Variants in NBPF14 observed in about 807,000 individuals in gnomAD.
NBPF14 encodes NBPF family member NBPF14.
NBPF14 carries 104 observed loss-of-function variants against 91.2 expected under a neutral mutation model. The observed-to-expected ratio is 1.14, with a 90% CI of 0.97 to 1.34. The LOEUF (loss-of-function observed/expected upper bound fraction) is 1.34. Among genes scored for constraint, NBPF14 ranks in the 40% most tolerant of loss-of-function variants. NBPF14 has a pLI of 0.00. For missense variants in NBPF14, 908 were observed against 783.0 expected (o/e 1.16, Z -1.91); for synonymous variants, 294 against 303.8 (o/e 0.97, Z 0.34).
chr1:148,574,422 G>GAC (rs1207360751), intron 18 of NBPF14, among the ~76,000 whole-genome samples, 197 bp from the exon 19 acceptor site: 901 of 35,708 alleles, frequency 0.025, 12 homozygotes, highest in Non-Finnish European at 0.035. Flanking sequence ...AAGACAGATA[G>GAC]ACACACACAC....
At position 148,572,610 on chromosome 1, in the gene NBPF14, C is replaced by G. The variant is rs1490174548; in HGVS notation, c.2591G>C (p.Ser864Thr). 4 of 568,588 alleles carry G rather than the reference C, an allele frequency of 7.0e-6. 1 individual carries two copies. Among genetic ancestry groups the G allele is most frequent in the Non-Finnish European group, 1.2e-5 (4 of 329,328 alleles). The allele number at this position is 568,588 out of a possible 1,614,324, so 35.2% of individuals were successfully genotyped here. The change falls in exon 21 of 71, where the codon AGC becomes ACC. Residue 864 changes from serine to threonine, a missense_variant. Ser to Thr is a moderately conservative substitution (Grantham distance 58, BLOSUM62 1). Around this residue, in one of 13 missense-constraint regions of NBPF14, gnomAD observed 447 missense variants for 189.1 expected, o/e 2.36. Transcript: ENST00000619423. ...CTCTTTCTCATCCAGCAGCTCCCTG[C>G]TGAGCCTGGAAAAGTGGGAAAAAGT...
chr1:148,566,381 G>C lies in NBPF14; in HGVS notation c.3543-66C>G, dbSNP rs1289959402. The C allele has an allele frequency of 1.1e-5, 8 of 733,508 alleles. 1 individual carries two copies. The highest frequency in any genetic ancestry group is 3.7e-5 in the African/African-American group (2 of 54,564). The allele number at this position is 733,508 out of a possible 1,614,324, so 45.4% of individuals were successfully genotyped here. A position where few individuals can be genotyped will look rare whatever the true frequency, so the allele number is the denominator to read the frequency against. ...TCAGACACAACAGAGCCTCAACTAG[G>C]TTTCATGGGTAGCATAGGGAAGTGG... On this transcript the variant is annotated intron_variant, in intron 28 of 70. Coordinates refer to ENST00000619423, the Ensembl canonical transcript of NBPF14.
At chr1:148,557,087 CAG>C (rs1189799829) in intron 40 of NBPF14, among the ~76,000 whole-genome samples, 5 of 107,180 alleles carry the variant, frequency 4.7e-5, no homozygotes, top group Non-Finnish European at 5.2e-5. Context: ...CACACACACA[CAG>C]AGAGAGAGAG....
exon 69 of NBPF14, chr1:148,534,713 T>C (rs1188688978): frequency 6.2e-5 from 52 of 840,864 alleles, no homozygotes; most frequent in Admixed American, 5.2e-4. Flanking sequence ...GCCAAGGTAC[T>C]GTTCCTCCAA....
At chr1:148,535,061 A>T (rs1338133028) in intron 68 of NBPF14, among the ~76,000 whole-genome samples, 2 of 146,810 alleles carry the variant, frequency 1.4e-5, no homozygotes, top group African/African-American at 5.2e-5. Flanking sequence ...AGAGGGAGAG[A>T]GAGAGAGAGG....
At chr1:148,557,779 A>C (rs1215686557) in intron 39 of NBPF14, among the ~76,000 whole-genome samples, 1 of 118,796 alleles carries the variant, frequency 8.4e-6, no homozygotes, top group Non-Finnish European at 1.6e-5. Context: ...CATTTATCCC[A>C]AGTTTGTGCA....
intron 40 of NBPF14, among the ~76,000 whole-genome samples, chr1:148,557,285 AC>A (rs1656803506): frequency 9.4e-6 from 1 of 105,906 alleles, no homozygotes; most frequent in Non-Finnish European, 1.7e-5. Context: ...AGTCTGGTCC[AC>A]CTACAGTAGG....
intron 69 of NBPF14, among the ~76,000 whole-genome samples, chr1:148,534,184 G>C (rs1199431832): frequency 1.3e-5 from 2 of 149,862 alleles, no homozygotes; most frequent in East Asian, 1.9e-4. Context: ...TATTCTAGTA[G>C]ATCGTTATCC....
chr1:148,533,952 T>C, exon 70 of NBPF14: 1 of 722,820 alleles, frequency 1.4e-6, no homozygotes, highest in South Asian at 1.4e-5. Context: ...TTTTTCCCCT[T>C]CCCCTTCTTT....
chr1:148,566,200 C>T, exon 29 of NBPF14: 1 of 569,846 alleles, frequency 1.8e-6, no homozygotes, highest in Non-Finnish European at 3.1e-6. Context: ...AAGGAACTTC[C>T]ATAGGGCTGG....
intron 69 of NBPF14, 124 bp downstream of exon 69, chr1:148,534,560 C>A (rs1475964045): frequency 1.1e-5 from 8 of 739,108 alleles, no homozygotes; most frequent in East Asian, 2.5e-5. Flanking sequence ...AACCTATATG[C>A]GCCCATAGGT....
At chr1:148,595,462 G>C in intron 2 of NBPF14, 81 bp downstream of exon 2, 1 of 1,241,444 alleles carries the variant, frequency 8.1e-7, no homozygotes, top group East Asian at 2.3e-5. Context: ...AATTATTTTT[G>C]ATGGAGAGAG....
intron 68 of NBPF14, 123 bp from the exon 69 acceptor site, chr1:148,534,979 G>A: frequency 1.4e-6 from 1 of 731,646 alleles, no homozygotes. Context: ...CCATTAATGA[G>A]GTAACGAATT....
intron 12 of NBPF14, among the ~76,000 whole-genome samples, chr1:148,581,656 A>C (rs1190857552): frequency 6.7e-6 from 1 of 148,396 alleles, no homozygotes; most frequent in Non-Finnish European, 1.5e-5. Flanking sequence ...CCTGCCTTAC[A>C]AGAGCTCCTA....
rs1188807736 is a variant in NBPF14, at chr1:148,576,051, G to T, written c.2079-240C>A. 2.1e-4 allele frequency among the ~76,000 whole-genome samples: 31 copies of T among 146,984 alleles called. 1 individual carries two copies. The highest frequency in any genetic ancestry group is 6.9e-4 in the African/African-American group (27 of 39,182). ...AGGAGAAAGTGAGCTCAGCGAATTG[G>T]CCGGGTGACACACTGATGAAGGGGT... On this transcript the variant is annotated intron_variant, in intron 16 of 70. Transcript: ENST00000619423.
chr1:148,578,479 A>G, intron 13 of NBPF14, among the ~76,000 whole-genome samples: 1 of 98,656 alleles, frequency 1.0e-5, no homozygotes, highest in Non-Finnish European at 2.1e-5. Flanking sequence ...GGTTCTACAC[A>G]GAAGCATCAG....
At position 148,593,164 on chromosome 1, in the gene NBPF14, C is replaced by T. The variant is rs1486432323; in HGVS notation, c.279-398G>A. On this transcript the variant is annotated intron_variant, in intron 3 of 70. Coordinates refer to ENST00000619423, the Ensembl canonical transcript of NBPF14. Reference sequence around the variant, plus strand: ...GAAATGAGGCCAGGTGCAGATGGGGCGAATTGAAAAGATGAAAGAAGAAAA... The same window carrying T: ...GAAATGAGGCCAGGTGCAGATGGGGTGAATTGAAAAGATGAAAGAAGAAAA... Among the ~76,000 whole-genome samples, 251 of 146,442 alleles carry T rather than the reference C, an allele frequency of 1.7e-3. 3 individuals carry two copies. Among genetic ancestry groups the T allele is most frequent in the African/African-American group, 5.5e-3 (216 of 39,566 alleles).
chr1:148,592,289 TG>T, intron 4 of NBPF14, among the ~76,000 whole-genome samples: 1 of 142,648 alleles, frequency 7.0e-6, no homozygotes, highest in Middle Eastern at 3.8e-3. Context: ...GCCTCCTTCC[TG>T]TCCTTTAAAA....
At chr1:148,539,453 G>A (rs1655530256) in exon 63 of NBPF14, 14 of 317,324 alleles carry the variant, frequency 4.4e-5, no homozygotes, top group Non-Finnish European at 2.2e-5. Context: ...CCTCCAATGA[G>A]TAAACAGCAC....
Sources: allele counts gnomAD v4.1 joint callset (sites outside exome capture counted in the v4.1 genomes callset), GRCh38; gene constraint gnomAD v4.1.1; regional missense constraint gnomAD v4.1.1; transcripts MANE v1.5; gene names NCBI Gene and HGNC (gene_info 2026-07-23, HGNC 2026-07-21).